RNF150: variants seen among roughly 807,000 people sequenced by gnomAD.
RNF150 encodes ring finger protein 150.
RNF150 carries 24 observed loss-of-function variants against 39.3 expected under a neutral mutation model. That is an observed-to-expected ratio of 0.61 (90% confidence interval 0.44 to 0.86). The LOEUF (loss-of-function observed/expected upper bound fraction) is 0.86, where lower values mean the gene tolerates loss of function less well. RNF150 is among the 40% of genes least tolerant of loss of function. RNF150 has a pLI of 0.00. For missense variants in RNF150, 502 were observed against 587.8 expected (o/e 0.85, Z 1.51); for synonymous variants, 255 against 227.3 (o/e 1.12, Z -1.10).
In RNF150 at chr4:140,898,279, A is replaced by ATTT. The variant is rs10693510; in HGVS notation, c.1198+12862_1198+12864dup. Among the ~76,000 whole-genome samples, 541 of 148,174 alleles carry ATTT rather than the reference A, an allele frequency of 3.7e-3. 4 individuals carry two copies. Among genetic ancestry groups the ATTT allele is most frequent in the African/African-American group, 0.011 (425 of 40,424 alleles). On this transcript the variant is annotated intron_variant, in intron 6 of 6. Coordinates refer to ENST00000515673, the MANE Select transcript of RNF150 (RefSeq NM_020724.2). The stretch of plus-strand genomic sequence containing the variant: ...ACTTAACAAAAAAAATGATGCACAC[A>ATTT]TTTTTTTTTTTTGAGTTGTTCTTTC...
At chr4:141,120,565 A>G (rs1021774372) in intron 1 of RNF150, among the ~76,000 whole-genome samples, 27 of 152,074 alleles carry the variant, frequency 1.8e-4, no homozygotes, top group African/African-American at 6.5e-4. Flanking sequence ...AATGGCTACT[A>G]GACTTTCTTG....
intron 3 of RNF150, among the ~76,000 whole-genome samples, chr4:140,948,599 T>A (rs572755961): frequency 6.6e-6 from 1 of 152,280 alleles, no homozygotes; most frequent in South Asian, 2.1e-4. Flanking sequence ...GCTCTGTGTT[T>A]TGATTTTAAA....
chr4:141,047,081 T>C (rs1214231274), intron 1 of RNF150, among the ~76,000 whole-genome samples: 1 of 152,074 alleles, frequency 6.6e-6, no homozygotes. Flanking sequence ...CTAGTTCACA[T>C]CTAAAAATCA....
At chr4:141,039,650 T>C (rs949881778) in intron 1 of RNF150, among the ~76,000 whole-genome samples, 3 of 152,028 alleles carry the variant, frequency 2.0e-5, no homozygotes, top group African/African-American at 2.4e-5. Flanking sequence ...TATTTTAAGA[T>C]GGTCTGGAGG....
Position 141,046,757 on chromosome 4 carries a change from G to A in RNF150, c.485-78884C>T, listed in dbSNP as rs541564170. The stretch of plus-strand genomic sequence containing the variant: ...GATTAGGGAATTATTACAAGAGAGT[G>A]CCTCCCTCATACGATCTCACAATTA... On this transcript the variant is annotated intron_variant, in intron 1 of 6. Coordinates refer to ENST00000515673, the MANE Select transcript of RNF150 (RefSeq NM_020724.2). 1.4e-4 allele frequency among the ~76,000 whole-genome samples: 22 copies of A among 152,272 alleles called. 1 individual carries two copies. In the South Asian group the frequency reaches 4.6e-3, roughly 32 times the overall value.
intron 1 of RNF150, among the ~76,000 whole-genome samples, chr4:141,043,679 G>A (rs1331090607): frequency 2.0e-5 from 3 of 152,100 alleles, no homozygotes; most frequent in Non-Finnish European, 4.4e-5. Flanking sequence ...ACTTTAAAAG[G>A]AATAGCTAAG....
intron 1 of RNF150, among the ~76,000 whole-genome samples, chr4:141,047,219 A>G (rs1292953127): frequency 1.1e-4 from 16 of 152,212 alleles, no homozygotes; most frequent in Admixed American, 9.2e-4. Context: ...GTTTAGAAAA[A>G]CTAGCTTTAC....
intron 2 of RNF150, among the ~76,000 whole-genome samples, chr4:140,966,528 T>G (rs184331939): frequency 1.3e-5 from 2 of 152,084 alleles, no homozygotes; most frequent in African/African-American, 4.8e-5. Context: ...GACAACTCAA[T>G]TGAAAAGAAG....
At chr4:141,192,729 G>A (rs867624859) in intron 1 of RNF150, among the ~76,000 whole-genome samples, 1 of 152,146 alleles carries the variant, frequency 6.6e-6, no homozygotes, top group African/African-American at 2.4e-5. Flanking sequence ...CCCTGCCAGG[G>A]TATAATCCCT....
Position 141,071,381 on chromosome 4 carries a change from A to AT in RNF150, c.484+60943dup, listed in dbSNP as rs552239581. On this transcript the variant is annotated intron_variant, in intron 1 of 6. Transcript: ENST00000515673. The stretch of plus-strand genomic sequence containing the variant: ...CATGTACCCTAAAACTTAAAGTATA[A>AT]TTAAAAAAAAATGGAATAAGAAAAT... Among the ~76,000 whole-genome samples, 760 of 150,270 alleles carry AT rather than the reference A, an allele frequency of 5.1e-3. 9 individuals carry two copies. The highest frequency in any genetic ancestry group is 0.018 in the African/African-American group (715 of 40,656).
chr4:141,175,230 T>A (rs78586890), intron 1 of RNF150, among the ~76,000 whole-genome samples: 5,567 of 152,278 alleles, frequency 0.037, 336 homozygotes, highest in African/African-American at 0.12. Flanking sequence ...CTTGGGAAAT[T>A]GCTTAATCTC....
chr4:140,984,562 C>T (rs889450425), intron 1 of RNF150, among the ~76,000 whole-genome samples: 1 of 152,140 alleles, frequency 6.6e-6, no homozygotes, highest in African/African-American at 2.4e-5. Context: ...TTGTTTGATA[C>T]AGTCTACACT....
intron 1 of RNF150, among the ~76,000 whole-genome samples, chr4:140,996,630 TA>T (rs1406050521): frequency 2.0e-5 from 3 of 152,232 alleles, no homozygotes; most frequent in African/African-American, 7.2e-5. Context: ...CTTATCCTGT[TA>T]AACGTTACGA....
intron 1 of RNF150, among the ~76,000 whole-genome samples, chr4:141,044,800 A>AG (rs1736508072): frequency 9.7e-6 from 1 of 102,800 alleles, no homozygotes; most frequent in South Asian, 2.6e-4. Context: ...CACACACACA[A>AG]TTCATGTGAG....
intron 2 of RNF150, among the ~76,000 whole-genome samples, chr4:140,959,269 C>T (rs1178374333): frequency 6.6e-6 from 1 of 152,168 alleles, no homozygotes; most frequent in Non-Finnish European, 1.5e-5. Flanking sequence ...AACCTTGACC[C>T]CCATCTAGCT....
chr4:141,007,687 A>C (rs2110735297), intron 1 of RNF150, among the ~76,000 whole-genome samples: 1 of 152,334 alleles, frequency 6.6e-6, no homozygotes, highest in South Asian at 2.1e-4. Context: ...CAGATTCAAA[A>C]GTTGATATGG....
At chr4:140,935,029 TATA>T (rs1188916479) in intron 4 of RNF150, among the ~76,000 whole-genome samples, 4 of 10,296 alleles carry the variant, frequency 3.9e-4, no homozygotes, top group African/African-American at 1.4e-3. Context: ...ATTATATATT[TATA>T]ATATATATAT....
At chr4:140,939,206 C>G in intron 4 of RNF150, among the ~76,000 whole-genome samples, 1 of 152,280 alleles carries the variant, frequency 6.6e-6, no homozygotes, top group South Asian at 2.1e-4. Context: ...TATTACTGCT[C>G]TGTATCAGGA....
chr4:141,020,561 T>C (rs1009918333), intron 1 of RNF150, among the ~76,000 whole-genome samples: 22 of 152,186 alleles, frequency 1.4e-4, no homozygotes, highest in African/African-American at 5.1e-4. Context: ...TTGTTTATCC[T>C]GTTTATTGTC....
Sources: gnomAD v4.1 joint callset for allele counts (sites outside exome capture counted in the v4.1 genomes callset) on GRCh38, gnomAD v4.1.1 for gene constraint, MANE v1.5 for transcripts, NCBI Gene and HGNC (gene_info 2026-07-23, HGNC 2026-07-21) for gene names.